Variants in NRXN1 observed in about 807,000 individuals in gnomAD.
NRXN1 encodes neurexin-1.
Under a neutral mutation model 150.9 loss-of-function variants are expected in NRXN1, and 39 were observed. The ratio of observed to expected loss-of-function variants is 0.26; its 90% CI spans 0.20 to 0.34. The LOEUF is 0.34. Among genes scored for constraint, NRXN1 ranks in the 10% least tolerant of loss-of-function variants. NRXN1 has a pLI of 1.00. For missense variants in NRXN1, 1,815 were observed against 1,949.9 expected (o/e 0.93, Z 1.30); for synonymous variants, 924 against 757.0 (o/e 1.22, Z -3.62).
chr2:50,712,521 T>C (rs2105054666), intron 5 of NRXN1, among the ~76,000 whole-genome samples: 2 of 152,290 alleles, frequency 1.3e-5, no homozygotes, highest in African/African-American at 2.4e-5. Flanking sequence ...GTCCCCTGTG[T>C]CCTTATATAT....
intron 5 of NRXN1, among the ~76,000 whole-genome samples, chr2:50,710,671 C>T (rs1007756549): frequency 3.3e-5 from 5 of 152,026 alleles, no homozygotes; most frequent in Admixed American, 6.6e-5. Flanking sequence ...TAAATGAACT[C>T]GACATTTAGC....
At chr2:50,656,813 A>G (rs776878903) in intron 5 of NRXN1, among the ~76,000 whole-genome samples, 5 of 152,000 alleles carry the variant, frequency 3.3e-5, no homozygotes, top group Non-Finnish European at 7.4e-5. Flanking sequence ...GAGACAAAAT[A>G]ACTTCATTAT....
chr2:50,898,905 G>C (rs957652212), intron 5 of NRXN1, among the ~76,000 whole-genome samples: 8 of 151,370 alleles, frequency 5.3e-5, no homozygotes, highest in African/African-American at 1.9e-4. Context: ...TTTGAATGTA[G>C]TACCTATTCT....
chr2:50,720,263 C>T lies in NRXN1; in HGVS notation c.833-96648G>A, dbSNP rs540108983. 1.6e-3 allele frequency among the ~76,000 whole-genome samples: 249 copies of T among 152,108 alleles called. 2 individuals are homozygous for T. Among genetic ancestry groups the T allele is most frequent in the African/African-American group, 5.8e-3 (242 of 41,508 alleles). On this transcript the variant is annotated intron_variant, in intron 5 of 22. Transcript: ENST00000401669. Reference sequence around the variant, plus strand: ...ATGGGAAACTTCATTTTCGAAACTCCCACAAGTAAAATAGTGCAAAATTCA... The same window carrying T: ...ATGGGAAACTTCATTTTCGAAACTCTCACAAGTAAAATAGTGCAAAATTCA...
chr2:50,941,491 C>A (rs1324136287), intron 2 of NRXN1, among the ~76,000 whole-genome samples: 1 of 151,944 alleles, frequency 6.6e-6, no homozygotes, highest in African/African-American at 2.4e-5. Flanking sequence ...GAAGTCCAGG[C>A]TGAGGTGGTC....
chr2:50,631,253 C>G, intron 5 of NRXN1: 1 of 365,278 alleles, frequency 2.7e-6, no homozygotes, highest in Non-Finnish European at 5.3e-6. Flanking sequence ...AAAATATTCA[C>G]TCTTCAAGAC....
intron 18 of NRXN1, among the ~76,000 whole-genome samples, chr2:50,176,242 AT>A (rs2060348342): frequency 6.6e-6 from 1 of 152,164 alleles, no homozygotes; most frequent in South Asian, 2.1e-4. Flanking sequence ...TCTTATTGAA[AT>A]TTTTTAGCTC....
intron 5 of NRXN1, among the ~76,000 whole-genome samples, chr2:50,695,772 G>A (rs375347707): frequency 2.4e-4 from 37 of 151,064 alleles, no homozygotes; most frequent in African/African-American, 8.3e-4. Flanking sequence ...TTGTGCATTA[G>A]TTTTTTGAGC....
rs1559029940 is a variant in NRXN1, at chr2:50,620,067, A to G, written c.1275T>C (p.Leu425=). ...YVGGSPSTAD[L]PGSPVSNNFM... is the part of the protein sequence containing the mutation. ...AGTTGTTACTGACTGGTGACCCTGG[A>G]AGGTCGGCTGTGCTGGGACTGCCTC... is the stretch of plus-strand genomic sequence containing the variant. Residue 425 remains leucine (L), a synonymous_variant, in exon 8 of 23, where the codon CTT becomes CTC. Transcript: ENST00000401669. 1.2e-6 allele frequency: 2 copies of G among 1,611,832 alleles called. No individual in the cohort carries two copies. Among genetic ancestry groups the G allele is most frequent in the Non-Finnish European group, 1.7e-6 (2 of 1,178,786 alleles).
At chr2:50,127,881 C>T (rs946469101) in intron 18 of NRXN1, among the ~76,000 whole-genome samples, 3 of 152,132 alleles carry the variant, frequency 2.0e-5, no homozygotes, top group East Asian at 1.9e-4. Context: ...GAACAGTTTT[C>T]GGCTTAGCCT....
intron 9 of NRXN1, among the ~76,000 whole-genome samples, chr2:50,540,687 G>C (rs866074799): frequency 6.6e-6 from 1 of 151,692 alleles, no homozygotes; most frequent in African/African-American, 2.4e-5. Flanking sequence ...TTCTGAGACA[G>C]AGTCTTACTC....
Position 50,147,780 on chromosome 2 carries a change from T to G in NRXN1, c.3547-56286A>C, listed in dbSNP as rs544435657. Among the ~76,000 whole-genome samples, 21 of 151,882 alleles carry G rather than the reference T, an allele frequency of 1.4e-4. 1 individual carries two copies. In the South Asian group the frequency reaches 2.5e-3, roughly 18 times the overall value. On this transcript the variant is annotated intron_variant, in intron 18 of 22. Transcript: ENST00000401669. ...ATGAAGTAAACCTTAACCACAGGCT[T>G]CTTCTTTCAGAAAAGCAAATACAAA...
rs193228977 is a variant in NRXN1 at position 50,925,153 on chromosome 2, C to G, written c.790+785G>C. On this transcript the variant is annotated intron_variant, in intron 3 of 22. Coordinates refer to ENST00000401669, the MANE Select transcript of NRXN1 (RefSeq NM_001330078.2). ...TCCCTTTCACCATTCTTTTGTTATGCCTTGTTCTTTTTGCATGTTAACACT... is the reference window on the plus strand; with the variant it reads ...TCCCTTTCACCATTCTTTTGTTATGGCTTGTTCTTTTTGCATGTTAACACT... Among the ~76,000 whole-genome samples, 5 of 151,782 alleles carry G rather than the reference C, an allele frequency of 3.3e-5. No individual in the cohort carries two copies. In the East Asian group the frequency reaches 9.7e-4, roughly 30 times the overall value.
At chr2:50,603,356 G>T (rs1183923608) in intron 8 of NRXN1, among the ~76,000 whole-genome samples, 2 of 152,158 alleles carry the variant, frequency 1.3e-5, no homozygotes, top group Non-Finnish European at 2.9e-5. Flanking sequence ...CAGAAAGGCT[G>T]TGGGGACGTG....
At chr2:50,557,356 G>A (rs1050841769) in intron 8 of NRXN1, among the ~76,000 whole-genome samples, 6 of 152,142 alleles carry the variant, frequency 3.9e-5, no homozygotes, top group South Asian at 2.1e-4. Flanking sequence ...TGAAATAAGC[G>A]ACCAAAGTTA....
chr2:50,295,104 C>G (rs564444925), intron 17 of NRXN1, among the ~76,000 whole-genome samples: 25 of 152,318 alleles, frequency 1.6e-4, no homozygotes, highest in Non-Finnish European at 3.1e-4. Context: ...TTTTCTGACT[C>G]TGTTCTTTTT....
At chr2:50,361,392 A>G (rs2153010188) in intron 17 of NRXN1, among the ~76,000 whole-genome samples, 1 of 152,304 alleles carries the variant, frequency 6.6e-6, no homozygotes, top group East Asian at 1.9e-4. Flanking sequence ...AAAAGAGAGA[A>G]GAATCAAATA....
chr2:50,159,525 G>A (rs1207615016), intron 18 of NRXN1, among the ~76,000 whole-genome samples: 1 of 152,114 alleles, frequency 6.6e-6, no homozygotes, highest in Non-Finnish European at 1.5e-5. Context: ...GCAATAAAAA[G>A]TACAGCTAAT....
At chr2:50,454,349 A>G (rs914046419) in intron 17 of NRXN1, among the ~76,000 whole-genome samples, 6 of 151,996 alleles carry the variant, frequency 3.9e-5, no homozygotes, top group Non-Finnish European at 7.4e-5. Flanking sequence ...AAATAAATAA[A>G]AATAATTAAT....
Sources: allele counts gnomAD v4.1 joint callset (sites outside exome capture counted in the v4.1 genomes callset), GRCh38; gene constraint gnomAD v4.1.1; transcripts MANE v1.5; gene names NCBI Gene and HGNC (gene_info 2026-07-23, HGNC 2026-07-21).